Variants in SLC2A9 observed in about 807,000 individuals in gnomAD.
SLC2A9 encodes the protein solute carrier family 2, facilitated glucose transporter member 9.
SLC2A9 carries 39 observed loss-of-function variants against 50.6 expected under a neutral mutation model. That is an observed-to-expected ratio of 0.77 (90% CI 0.60 to 1.01). The LOEUF (loss-of-function observed/expected upper bound fraction) is 1.01, where lower values mean the gene tolerates loss of function less well. SLC2A9 is among the 50% of genes least tolerant of loss of function. The probability of loss-of-function intolerance (pLI) is 0.00; values close to 1 mark genes in which losing one functional copy is unlikely to be tolerated. For synonymous variants in SLC2A9, 324 were observed against 276.9 expected (o/e 1.17, Z -1.69); for missense variants, 686 against 677.6 (o/e 1.01, Z -0.14).
At chr4:9,807,040 T>A (rs1351122472) in intron 3 of SLC2A9, among the ~76,000 whole-genome samples, 1 of 151,870 alleles carries the variant, frequency 6.6e-6, no homozygotes, top group Non-Finnish European at 1.5e-5. Context: ...TGGTTTGGGG[T>A]CTGGGTACAG....
intron 10 of SLC2A9, among the ~76,000 whole-genome samples, chr4:9,870,930 G>A (rs1339093681): frequency 6.6e-6 from 1 of 152,038 alleles, no homozygotes; most frequent in Non-Finnish European, 1.5e-5. Flanking sequence ...GATTTTTTTG[G>A]GGGGTGTGTG....
At chr4:9,773,247 GC>G (rs1717084180) in intron 1 of SLC2A9, among the ~76,000 whole-genome samples, 1 of 152,120 alleles carries the variant, frequency 6.6e-6, no homozygotes, top group Non-Finnish European at 1.5e-5. Context: ...CTTTCCACCT[GC>G]CCCTCCCCAT....
At chr4:9,888,884 A>G (rs1375324083) in intron 9 of SLC2A9, among the ~76,000 whole-genome samples, 3 of 152,094 alleles carry the variant, frequency 2.0e-5, no homozygotes, top group Non-Finnish European at 2.9e-5. Context: ...ACTCTTGTAC[A>G]CTGTATGGCT....
intron 5 of SLC2A9, among the ~76,000 whole-genome samples, chr4:9,978,451 T>C (rs1755167196): frequency 6.6e-6 from 1 of 152,242 alleles, no homozygotes; most frequent in Non-Finnish European, 1.5e-5. Flanking sequence ...ATTTATTTAC[T>C]TTTTTTACTC....
chr4:9,975,494 T>C (rs1045826452), intron 5 of SLC2A9, among the ~76,000 whole-genome samples: 1 of 152,048 alleles, frequency 6.6e-6, no homozygotes, highest in Non-Finnish European at 1.5e-5. Context: ...AACAAACATA[T>C]TAAAAAATGC....
rs79989591 is a variant in SLC2A9, at chr4:10,000,893, A to C, written c.250-3952T>G. Among the ~76,000 whole-genome samples, 807 of 151,816 alleles carry C rather than the reference A, an allele frequency of 5.3e-3. 4 individuals are homozygous for C. Among genetic ancestry groups the C allele is most frequent in the African/African-American group, 0.019 (776 of 41,360 alleles). Reference sequence around the variant, plus strand: ...GCCAAAAACCACGAAGTCATTCTTAACTCCTGCCCTTGATCCAATCTCCTC... The same window carrying C: ...GCCAAAAACCACGAAGTCATTCTTACCTCCTGCCCTTGATCCAATCTCCTC... On this transcript the variant is annotated intron_variant, in intron 2 of 11. Transcript: ENST00000264784.
chr4:9,835,097 C>T, intron 10 of SLC2A9, 89 bp from the exon 11 acceptor site: 3 of 1,589,874 alleles, frequency 1.9e-6, no homozygotes, highest in Admixed American at 1.7e-5. Context: ...CTTTAGAACC[C>T]CCCCACCCCT....
At chr4:10,030,760 T>C (rs1350207931) in intron 1 of SLC2A9, among the ~76,000 whole-genome samples, 1 of 152,156 alleles carries the variant, frequency 6.6e-6, no homozygotes, top group East Asian at 1.9e-4. Context: ...ATCTTTCTGG[T>C]CCAAATCTAG....
intron 3 of SLC2A9, among the ~76,000 whole-genome samples, chr4:9,986,627 C>T (rs1248368281): frequency 6.6e-6 from 1 of 151,790 alleles, no homozygotes; most frequent in Non-Finnish European, 1.5e-5. Flanking sequence ...ATTTCCTTTC[C>T]TTTCCAGTGG....
chr4:9,887,614 CT>C lies in SLC2A9; in HGVS notation c.1243del (p.Ser415ValfsTer23). ...QDHAPWVPYLSIVGILAIIAS... is the reference protein window; with the variant it reads ...QDHAPWVPYLXIVGILAIIAS... ...GATGATGGCCAGAATGCCCACGATACTCAGGTAGGGGACCCAGGGGGCGTGG... is the reference window on the plus strand; with the variant it reads ...GATGATGGCCAGAATGCCCACGATACCAGGTAGGGGACCCAGGGGGCGTGG... On this transcript the variant is annotated frameshift_variant, in exon 10 of 12. Coordinates refer to ENST00000264784, the MANE Select transcript of SLC2A9 (RefSeq NM_020041.3). LOFTEE classifies it high-confidence loss of function. 1.3e-6 allele frequency: 2 copies of C among 1,565,246 alleles called. No homozygotes were observed. Among genetic ancestry groups the C allele is most frequent in the Non-Finnish European group, 1.7e-6 (2 of 1,154,484 alleles).
At chr4:10,021,147 C>A in intron 1 of SLC2A9, 133 bp downstream of exon 1, 1 of 925,600 alleles carries the variant, frequency 1.1e-6, no homozygotes, top group South Asian at 1.4e-5. Context: ...CAAACTGAGG[C>A]CTCCCTGCCT....
chr4:10,028,969 C>G (rs1763842170), intron 1 of SLC2A9: 1 of 152,306 alleles, frequency 6.6e-6, no homozygotes, highest in Admixed American at 6.5e-5. Context: ...GCTTCCCCCA[C>G]AGCACACCCA....
chr4:9,920,311 G>A (rs1743684380), intron 7 of SLC2A9, 74 bp downstream of exon 7: 2 of 1,548,438 alleles, frequency 1.3e-6, no homozygotes, highest in Admixed American at 1.8e-5. Flanking sequence ...GGCGTCTGGG[G>A]CCCAAGCCCT....
intron 2 of SLC2A9, among the ~76,000 whole-genome samples, chr4:10,015,426 T>G (rs568319965): frequency 5.3e-5 from 8 of 152,224 alleles, no homozygotes; most frequent in Non-Finnish European, 8.8e-5. Context: ...ACTGAGCTTC[T>G]GTTTCTTTGT....
intron 3 of SLC2A9, chr4:9,782,144 T>A (rs1172265012): frequency 1.3e-6 from 2 of 1,572,526 alleles, no homozygotes; most frequent in South Asian, 2.4e-5. Flanking sequence ...ACTGGGGCCC[T>A]CACAGGTGGT....
chr4:9,927,951 A>G (rs11936395), intron 6 of SLC2A9, among the ~76,000 whole-genome samples: 29,476 of 152,114 alleles, frequency 0.19, 3,008 homozygotes, highest in Non-Finnish European at 0.21. Flanking sequence ...ATTAACCCCA[A>G]TGAATATACA....
At chr4:9,993,673 G>C (rs1282432268) in intron 3 of SLC2A9, among the ~76,000 whole-genome samples, 2 of 151,932 alleles carry the variant, frequency 1.3e-5, no homozygotes, top group Non-Finnish European at 2.9e-5. Flanking sequence ...AGGGAAGGAG[G>C]GTCCTGTCAC....
Position 9,921,067 on chromosome 4 carries a change from C to T in SLC2A9, c.815-495G>A, listed in dbSNP as rs117124608. Among the ~76,000 whole-genome samples the T allele has an allele frequency of 1.6e-4, 25 of 152,262 alleles. No individual in the cohort carries two copies. In the East Asian group the frequency reaches 4.2e-3, roughly 26 times the overall value. ...TGAGTTCATCCTCATTGCAGGTGTC[C>T]GGAGACCAGTAGGATGTCACTTGGC... On this transcript the variant is annotated intron_variant, in intron 6 of 11. Coordinates refer to ENST00000264784, the MANE Select transcript of SLC2A9 (RefSeq NM_020041.3).
chr4:9,918,198 T>C (rs1023413645), intron 7 of SLC2A9, among the ~76,000 whole-genome samples: 1 of 152,214 alleles, frequency 6.6e-6, no homozygotes, highest in African/African-American at 2.4e-5. Flanking sequence ...CCAAATAATG[T>C]CTGGGATAAT....
Sources: gnomAD v4.1 joint callset for allele counts (sites outside exome capture counted in the v4.1 genomes callset) on GRCh38, gnomAD v4.1.1 for gene constraint, MANE v1.5 for transcripts, NCBI Gene and HGNC (gene_info 2026-07-23, HGNC 2026-07-21) for gene names.